TBC1D5: variants seen among roughly 807,000 people sequenced by gnomAD.
TBC1D5 encodes the protein TBC1 domain family, member 5.
TBC1D5 carries 75 observed loss-of-function variants against 100.3 expected under a neutral mutation model. The ratio of observed to expected loss-of-function variants is 0.75; its 90% CI spans 0.62 to 0.91. TBC1D5 has a LOEUF of 0.91. TBC1D5 is among the 40% of genes least tolerant of loss of function. The probability of loss-of-function intolerance (pLI) is 0.00; values close to 1 mark genes in which losing one functional copy is unlikely to be tolerated. For synonymous variants in TBC1D5, 323 were observed against 325.6 expected (o/e 0.99, Z 0.09); for missense variants, 910 against 942.4 (o/e 0.97, Z 0.45).
intron 14 of TBC1D5, among the ~76,000 whole-genome samples, chr3:17,301,876 A>T (rs1452017657): frequency 6.6e-6 from 1 of 152,232 alleles, no homozygotes; most frequent in Non-Finnish European, 1.5e-5. Flanking sequence ...TGGTGGGGGT[A>T]TCACCATTCA....
intron 1 of TBC1D5, among the ~76,000 whole-genome samples, chr3:17,629,269 C>T (rs1467727739): frequency 6.6e-6 from 1 of 151,846 alleles, no homozygotes; most frequent in Non-Finnish European, 1.5e-5. Context: ...GTAATTTAGC[C>T]ATTAGATACA....
chr3:17,197,073 G>A (rs1354870286), intron 18 of TBC1D5, among the ~76,000 whole-genome samples: 1 of 152,164 alleles, frequency 6.6e-6, no homozygotes, highest in Non-Finnish European at 1.5e-5. Context: ...CATTCCGTGT[G>A]TGTTATGGGC....
intron 13 of TBC1D5, among the ~76,000 whole-genome samples, chr3:17,345,672 A>G (rs1298149084): frequency 6.6e-6 from 1 of 151,298 alleles, no homozygotes; most frequent in African/African-American, 2.4e-5. Flanking sequence ...AACCAACCCA[A>G]ATGTCCAACA....
chr3:17,215,291 G>A (rs1161126018), intron 17 of TBC1D5, among the ~76,000 whole-genome samples: 5 of 152,146 alleles, frequency 3.3e-5, no homozygotes, highest in Non-Finnish European at 7.4e-5. Flanking sequence ...TACTCAGAAT[G>A]ATCATGACTT....
chr3:17,414,646 C>G (rs2094018124), intron 4 of TBC1D5, among the ~76,000 whole-genome samples: 1 of 152,156 alleles, frequency 6.6e-6, no homozygotes, highest in African/African-American at 2.4e-5. Flanking sequence ...AACATTAGGA[C>G]TGCAGGTGCC....
intron 2 of TBC1D5, among the ~76,000 whole-genome samples, chr3:17,614,198 A>G (rs1482608200): frequency 6.6e-6 from 1 of 152,036 alleles, no homozygotes; most frequent in East Asian, 1.9e-4. Flanking sequence ...ATGGTTGTAG[A>G]TGTGTGGTGT....
chr3:17,229,923 A>T (rs573602482), intron 17 of TBC1D5, among the ~76,000 whole-genome samples: 1 of 152,300 alleles, frequency 6.6e-6, no homozygotes, highest in African/African-American at 2.4e-5. Context: ...GTCCAAAAAC[A>T]ACTCATTTAT....
intron 18 of TBC1D5, among the ~76,000 whole-genome samples, chr3:17,191,308 G>A (rs564353117): frequency 6.6e-6 from 1 of 152,294 alleles, no homozygotes; most frequent in Admixed American, 6.5e-5. Flanking sequence ...TACCTCATGT[G>A]CTTGTTGGAG....
intron 2 of TBC1D5, among the ~76,000 whole-genome samples, chr3:17,532,962 T>A (rs1177046966): frequency 6.6e-6 from 1 of 151,458 alleles, no homozygotes; most frequent in Non-Finnish European, 1.5e-5. Flanking sequence ...GTTGTGCACA[T>A]GTACCCTAAA....
intron 1 of TBC1D5, among the ~76,000 whole-genome samples, chr3:17,720,010 TAA>T (rs59657195): frequency 0.57 from 86,714 of 151,914 alleles, 25,554 homozygotes; most frequent in East Asian, 0.99. Flanking sequence ...TCACATGATC[TAA>T]AACTACACAA....
intron 1 of TBC1D5, among the ~76,000 whole-genome samples, chr3:17,710,782 C>T (rs931116071): frequency 1.3e-5 from 2 of 151,974 alleles, no homozygotes; most frequent in Non-Finnish European, 2.9e-5. Context: ...ACTGCAACTG[C>T]CATCTCCCAG....
intron 13 of TBC1D5, among the ~76,000 whole-genome samples, chr3:17,308,806 G>A (rs1009999047): frequency 6.6e-6 from 1 of 151,974 alleles, no homozygotes; most frequent in African/African-American, 2.4e-5. Flanking sequence ...TAGAAAATGA[G>A]TATCTATGCC....
intron 16 of TBC1D5, among the ~76,000 whole-genome samples, chr3:17,249,705 A>G (rs999157890): frequency 6.6e-6 from 1 of 152,194 alleles, no homozygotes; most frequent in African/African-American, 2.4e-5. Context: ...GTATTTCTTT[A>G]TAGCAACACA....
intron 2 of TBC1D5, among the ~76,000 whole-genome samples, chr3:17,582,159 C>T (rs1220724135): frequency 6.6e-6 from 1 of 152,144 alleles, no homozygotes; most frequent in African/African-American, 2.4e-5. Flanking sequence ...ACCTCTCCAC[C>T]CTGGAATGTA....
At position 17,166,886 on chromosome 3, in the gene TBC1D5, G is replaced by A. The variant is rs2066666758; in HGVS notation, c.1975C>T (p.Gln659Ter). 2.5e-6 allele frequency: 4 copies of A among 1,613,822 alleles called. No homozygotes were observed. The highest frequency in any genetic ancestry group is 3.3e-5 in the Admixed American group (2 of 59,940). The change falls in exon 21 of 22, where the codon CAG (glutamine) becomes TAG (stop). Residue 659 changes from glutamine (Q) to a stop codon, truncating the protein, a stop_gained. Transcript: ENST00000253692. LOFTEE classifies it high-confidence loss of function. The stretch of plus-strand genomic sequence containing the variant: ...TGTTCGTTCTCTTCGGCCTCTAGCT[G>A]GCTCTGGTTAAAACGCAGGGAACCT...
At chr3:17,262,438 C>G (rs532125033) in intron 15 of TBC1D5, among the ~76,000 whole-genome samples, 4 of 151,398 alleles carry the variant, frequency 2.6e-5, no homozygotes, top group Admixed American at 6.6e-5. Flanking sequence ...CATTTTGACA[C>G]AGTCGGGACT....
chr3:17,161,073 C>G, exon 22 of TBC1D5: 1 of 1,614,202 alleles, frequency 6.2e-7, no homozygotes, highest in South Asian at 1.1e-5. Flanking sequence ...ATCAGTGGAT[C>G]TGAGAACACC....
intron 19 of TBC1D5, among the ~76,000 whole-genome samples, chr3:17,182,581 T>C: frequency 6.6e-6 from 1 of 152,208 alleles, no homozygotes; most frequent in Non-Finnish European, 1.5e-5. Flanking sequence ...CCAGTAAATC[T>C]TTCTCCCCAT....
chr3:17,411,343 T>A (rs1024408565), intron 4 of TBC1D5, among the ~76,000 whole-genome samples: 7 of 152,172 alleles, frequency 4.6e-5, no homozygotes, highest in African/African-American at 1.7e-4. Context: ...ATCACGTGAC[T>A]CACTTTATTC....
Sources: allele counts gnomAD v4.1 joint callset (sites outside exome capture counted in the v4.1 genomes callset), GRCh38; gene constraint gnomAD v4.1.1; transcripts MANE v1.5; gene names NCBI Gene and HGNC (gene_info 2026-07-23, HGNC 2026-07-21).